Variants in CTIF observed in about 807,000 individuals in gnomAD.
CTIF encodes CBP80/20-dependent translation initiation factor.
A neutral mutation model predicts 66.0 loss-of-function variants in CTIF; 21 were observed. The observed-to-expected ratio is 0.32, with a 90% CI of 0.23 to 0.46. The LOEUF (loss-of-function observed/expected upper bound fraction) is 0.46, where lower values mean the gene tolerates loss of function less well. CTIF is among the 20% of genes least tolerant of loss of function. The pLI, the probability that CTIF is intolerant of heterozygous loss-of-function variation, is 1.00. For missense variants in CTIF, 739 were observed against 812.7 expected (o/e 0.91, Z 1.10); for synonymous variants, 345 against 326.4 (o/e 1.06, Z -0.62).
intron 11 of CTIF, among the ~76,000 whole-genome samples, chr18:48,858,228 G>A (rs1274213261): frequency 6.6e-6 from 1 of 152,248 alleles, no homozygotes; most frequent in African/African-American, 2.4e-5. Flanking sequence ...GAGGACCTGG[G>A]CCTGGCAGCT....
chr18:48,714,833 CCTT>C (rs1213447742), intron 7 of CTIF, among the ~76,000 whole-genome samples: 1 of 152,210 alleles, frequency 6.6e-6, no homozygotes, highest in Admixed American at 6.5e-5. Context: ...AAGCCCTGTC[CCTT>C]CTTCTACAAA....
At chr18:48,736,719 C>T (rs911694552) in intron 7 of CTIF, among the ~76,000 whole-genome samples, 18 of 152,190 alleles carry the variant, frequency 1.2e-4, no homozygotes, top group African/African-American at 4.3e-4. Context: ...GGACCTGCCG[C>T]GCCATGGCCA....
chr18:48,727,254 G>A (rs965144931), intron 7 of CTIF, among the ~76,000 whole-genome samples: 2 of 152,162 alleles, frequency 1.3e-5, no homozygotes, highest in African/African-American at 4.8e-5. Flanking sequence ...TTCTTGATTA[G>A]AACTCAGTTC....
intron 10 of CTIF, among the ~76,000 whole-genome samples, chr18:48,841,931 A>C (rs1241813136): frequency 3.3e-5 from 5 of 152,258 alleles, no homozygotes. Context: ...CTCACACACA[A>C]AAGAGAACTC....
chr18:48,782,492 G>C lies in CTIF; in HGVS notation c.1371+20803G>C, dbSNP rs972018258. Among the ~76,000 whole-genome samples the C allele has an allele frequency of 3.3e-5, 5 of 152,218 alleles. No homozygotes were observed. In the East Asian group the frequency reaches 9.6e-4, roughly 29 times the overall value. ...TGATGTGGAAACTCAGGCAGGAGCT[G>C]GCAGGGGTGACAAGACTGTGAGCGG... On this transcript the variant is annotated intron_variant, in intron 9 of 11. Transcript: ENST00000256413.
At chr18:48,660,796 C>T (rs992809344) in intron 3 of CTIF, among the ~76,000 whole-genome samples, 1 of 152,186 alleles carries the variant, frequency 6.6e-6, no homozygotes, top group African/African-American at 2.4e-5. Flanking sequence ...GATTTATGTG[C>T]CCATCTGCAC....
At chr18:48,799,868 G>A (rs2068012241) in intron 9 of CTIF, among the ~76,000 whole-genome samples, 1 of 152,222 alleles carries the variant, frequency 6.6e-6, no homozygotes, top group Admixed American at 6.5e-5. Context: ...TGCAGAACTT[G>A]CAATCCGAGT....
At chr18:48,638,457 G>A (rs775198610) in intron 3 of CTIF, among the ~76,000 whole-genome samples, 6 of 151,972 alleles carry the variant, frequency 3.9e-5, no homozygotes, top group Non-Finnish European at 8.8e-5. Flanking sequence ...TCCTGATAGG[G>A]TCTCCAGGGG....
intron 9 of CTIF, among the ~76,000 whole-genome samples, chr18:48,812,990 CTCTA>C (rs2068290894): frequency 6.7e-6 from 1 of 148,928 alleles, no homozygotes; most frequent in African/African-American, 2.5e-5. Context: ...TCTCTATCTT[CTCTA>C]TCGTTTTTCT....
At chr18:48,583,545 T>A (rs899925302) in intron 1 of CTIF, among the ~76,000 whole-genome samples, 1 of 152,154 alleles carries the variant, frequency 6.6e-6, no homozygotes, top group Non-Finnish European at 1.5e-5. Context: ...TGCTATGCAC[T>A]CTCCTCACTC....
chr18:48,579,778 G>C (rs1212950444), intron 1 of CTIF, among the ~76,000 whole-genome samples: 1 of 152,162 alleles, frequency 6.6e-6, no homozygotes, highest in Admixed American at 6.5e-5. Context: ...ATCTGCTTCA[G>C]GGAAAGGGAA....
At chr18:48,720,549 A>AC (rs1303745213) in intron 7 of CTIF, among the ~76,000 whole-genome samples, 2 of 151,082 alleles carry the variant, frequency 1.3e-5, no homozygotes, top group Non-Finnish European at 2.9e-5. Context: ...GGACAGGCAA[A>AC]CCCCCACCTG....
chr18:48,558,224 C>G (rs1428375197), intron 1 of CTIF, among the ~76,000 whole-genome samples: 1 of 152,194 alleles, frequency 6.6e-6, no homozygotes, highest in Non-Finnish European at 1.5e-5. Flanking sequence ...ATGTATTCAT[C>G]TATGTGTGCA....
chr18:48,763,135 G>A (rs1386235705), intron 9 of CTIF, among the ~76,000 whole-genome samples: 3 of 152,166 alleles, frequency 2.0e-5, no homozygotes, highest in Admixed American at 1.3e-4. Context: ...GAGAGCACCC[G>A]GCACAGGGGA....
intron 9 of CTIF, among the ~76,000 whole-genome samples, chr18:48,773,864 G>T (rs183835913): frequency 3.3e-5 from 5 of 152,182 alleles, no homozygotes; most frequent in Non-Finnish European, 5.9e-5. Flanking sequence ...GGGGACAGAG[G>T]GGGAGAGGAA....
At chr18:48,692,082 A>G (rs2091934665) in intron 6 of CTIF, among the ~76,000 whole-genome samples, 1 of 152,170 alleles carries the variant, frequency 6.6e-6, no homozygotes, top group African/African-American at 2.4e-5. Context: ...GGGTTTTGCC[A>G]TGTTGGCCAG....
intron 1 of CTIF, among the ~76,000 whole-genome samples, chr18:48,618,656 C>T (rs577108299): frequency 6.6e-5 from 10 of 152,236 alleles, no homozygotes; most frequent in South Asian, 2.1e-4. Flanking sequence ...GCAGAGAGGG[C>T]GGTGGCGGTG....
intron 3 of CTIF, among the ~76,000 whole-genome samples, chr18:48,645,868 T>C (rs1204683791): frequency 6.6e-6 from 1 of 152,176 alleles, no homozygotes; most frequent in Non-Finnish European, 1.5e-5. Context: ...GACTTCCACT[T>C]CCACCTGGCA....
At chr18:48,704,379 A>G (rs1361747497) in intron 6 of CTIF, among the ~76,000 whole-genome samples, 1 of 152,174 alleles carries the variant, frequency 6.6e-6, no homozygotes, top group Non-Finnish European at 1.5e-5. Context: ...CAAATCTCAA[A>G]TTCAAATTCA....
Sources: allele counts gnomAD v4.1 joint callset (sites outside exome capture counted in the v4.1 genomes callset), GRCh38; gene constraint gnomAD v4.1.1; transcripts MANE v1.5; gene names NCBI Gene and HGNC (gene_info 2026-07-23, HGNC 2026-07-21).